UST: variants seen among roughly 807,000 people sequenced by gnomAD.
UST encodes uronyl 2-sulfotransferase, also known as chondroitin sulfate 2-O-sulfotransferase.
In UST, 21 loss-of-function variants were observed where a neutral mutation model predicts 45.6. The observed-to-expected ratio is 0.46, with a 90% CI of 0.33 to 0.66. The LOEUF (loss-of-function observed/expected upper bound fraction) is 0.66, where lower values mean the gene tolerates loss of function less well. Ranked by LOEUF, UST falls within the 30% of genes least tolerant of loss-of-function variation. The probability of loss-of-function intolerance (pLI) is 0.02; values close to 1 mark genes in which losing one functional copy is unlikely to be tolerated. For synonymous variants in UST, 215 were observed against 200.6 expected (o/e 1.07, Z -0.61); for missense variants, 463 against 512.4 (o/e 0.90, Z 0.93).
chr6:148,759,399 C>T lies in UST; in HGVS notation c.247+11722C>T, dbSNP rs569147578. ...AAAATTAGCCGGGCGTGGTCGCGGG[C>T]GCCTGTAGTCCCAGCTACTAGGGAG... On this transcript the variant is annotated intron_variant, in intron 1 of 7. Transcript: ENST00000367463. Among the ~76,000 whole-genome samples the T allele has an allele frequency of 5.9e-5, 9 of 151,528 alleles. No individual in the cohort carries two copies. In the East Asian group the frequency reaches 1.8e-3, roughly 30 times the overall value.
chr6:149,064,375 G>A (rs6932386), intron 7 of UST, among the ~76,000 whole-genome samples: 36,209 of 152,056 alleles, frequency 0.24, 4,434 homozygotes, highest in Admixed American at 0.27. Flanking sequence ...GATAATAAGA[G>A]ACCTCTACAG....
chr6:148,892,067 T>C (rs541600268), intron 2 of UST, among the ~76,000 whole-genome samples: 4 of 152,360 alleles, frequency 2.6e-5, no homozygotes, highest in East Asian at 3.9e-4. Flanking sequence ...AACGACTGAC[T>C]GTATAAGAAT....
intron 5 of UST, among the ~76,000 whole-genome samples, chr6:149,002,504 GTATT>G (rs1270485922): frequency 2.6e-5 from 4 of 151,968 alleles, no homozygotes; most frequent in Non-Finnish European, 4.4e-5. Flanking sequence ...TACTTTTTAT[GTATT>G]TATTTATTTA....
chr6:149,066,914 A>C (rs2115044778), intron 7 of UST, among the ~76,000 whole-genome samples: 1 of 152,266 alleles, frequency 6.6e-6, no homozygotes, highest in East Asian at 1.9e-4. Flanking sequence ...TGGGCAACAG[A>C]GCAAGACCCT....
intron 1 of UST, among the ~76,000 whole-genome samples, chr6:148,804,412 C>T (rs1161110397): frequency 1.3e-5 from 2 of 152,166 alleles, no homozygotes; most frequent in Non-Finnish European, 2.9e-5. Context: ...ATGGGCCCCT[C>T]TTATTCCACC....
chr6:148,809,330 T>G (rs990518941), intron 1 of UST, among the ~76,000 whole-genome samples: 5 of 152,194 alleles, frequency 3.3e-5, no homozygotes, highest in Admixed American at 1.3e-4. Context: ...TGTTTTTTTT[T>G]TTTTTCTCAC....
At chr6:148,831,693 G>T (rs569776536) in intron 1 of UST, among the ~76,000 whole-genome samples, 1 of 152,240 alleles carries the variant, frequency 6.6e-6, no homozygotes, top group African/African-American at 2.4e-5. Flanking sequence ...TACTCGGCAG[G>T]CTGAGGCAAG....
chr6:148,951,129 G>T (rs1780355037), intron 3 of UST, among the ~76,000 whole-genome samples: 1 of 152,218 alleles, frequency 6.6e-6, no homozygotes, highest in Non-Finnish European at 1.5e-5. Context: ...TCATTTGGCT[G>T]GCCACAGCAT....
chr6:148,929,315 C>G (rs147960318), intron 2 of UST, among the ~76,000 whole-genome samples: 1 of 152,180 alleles, frequency 6.6e-6, no homozygotes, highest in Non-Finnish European at 1.5e-5. Context: ...GTCTTATTTC[C>G]TTTGCTCATG....
chr6:149,065,642 T>C (rs1776719736), intron 7 of UST, among the ~76,000 whole-genome samples: 1 of 152,184 alleles, frequency 6.6e-6, no homozygotes, highest in Admixed American at 6.5e-5. Flanking sequence ...TGGGTAAGTT[T>C]CTATTTCTCC....
At chr6:148,992,074 G>A (rs952990792) in intron 5 of UST, among the ~76,000 whole-genome samples, 1 of 152,188 alleles carries the variant, frequency 6.6e-6, no homozygotes, top group Non-Finnish European at 1.5e-5. Context: ...TCCACCGTCT[G>A]CATTCTTGTG....
intron 2 of UST, among the ~76,000 whole-genome samples, chr6:148,932,251 G>A (rs961231702): frequency 1.3e-5 from 2 of 152,122 alleles, no homozygotes; most frequent in Non-Finnish European, 2.9e-5. Flanking sequence ...ATGATGCTGT[G>A]TGCCTGTAAT....
intron 2 of UST, among the ~76,000 whole-genome samples, chr6:148,923,267 T>C (rs1779750618): frequency 6.6e-6 from 1 of 152,220 alleles, no homozygotes; most frequent in Non-Finnish European, 1.5e-5. Context: ...AATACAAGAC[T>C]TTGGGGACAT....
chr6:148,755,351 T>C (rs1477255841), intron 1 of UST, among the ~76,000 whole-genome samples: 2 of 152,326 alleles, frequency 1.3e-5, no homozygotes, highest in Admixed American at 6.5e-5. Flanking sequence ...GAAATATTGT[T>C]TTTACAAAAA....
chr6:148,962,892 T>C (rs910539907), intron 4 of UST, among the ~76,000 whole-genome samples: 2 of 152,260 alleles, frequency 1.3e-5, no homozygotes, highest in Admixed American at 6.5e-5. Context: ...GGGCTTGTTA[T>C]TACTTTCCTC....
At chr6:148,972,344 G>C (rs1254631520) in intron 5 of UST, among the ~76,000 whole-genome samples, 1 of 152,184 alleles carries the variant, frequency 6.6e-6, no homozygotes, top group African/African-American at 2.4e-5. Flanking sequence ...TAAGGCTCTG[G>C]GGACAGCAGG....
intron 1 of UST, among the ~76,000 whole-genome samples, chr6:148,857,745 AGAGT>A (rs1241240608): frequency 2.1e-5 from 3 of 142,768 alleles, no homozygotes; most frequent in African/African-American, 8.0e-5. Context: ...CCTGGGAGAC[AGAGT>A]GAGTCTCCAT....
At chr6:149,045,782 A>C (rs528753753) in intron 7 of UST, among the ~76,000 whole-genome samples, 1 of 152,244 alleles carries the variant, frequency 6.6e-6, no homozygotes, top group African/African-American at 2.4e-5. Flanking sequence ...CATTTTCTTT[A>C]ATCATCTATG....
intron 5 of UST, among the ~76,000 whole-genome samples, chr6:148,966,555 A>G (rs1780803349): frequency 6.6e-6 from 1 of 152,234 alleles, no homozygotes; most frequent in Non-Finnish European, 1.5e-5. Context: ...TTCAAATATT[A>G]ATGTAAGAGT....
Sources: allele counts gnomAD v4.1 joint callset (sites outside exome capture counted in the v4.1 genomes callset), GRCh38; gene constraint gnomAD v4.1.1; transcripts MANE v1.5; gene names NCBI Gene and HGNC (gene_info 2026-07-23, HGNC 2026-07-21).